MAGI2: variants seen among roughly 807,000 people sequenced by gnomAD.
MAGI2 encodes the protein membrane associated guanylate kinase, WW and PDZ domain containing 2.
In MAGI2, 35 loss-of-function variants were observed where a neutral mutation model predicts 133.3. The ratio of observed to expected loss-of-function variants is 0.26; its 90% CI spans 0.20 to 0.35. The LOEUF (loss-of-function observed/expected upper bound fraction) is 0.35. MAGI2 is among the 10% of genes least tolerant of loss of function. The pLI, the probability that MAGI2 is intolerant of heterozygous loss-of-function variation, is 1.00. For missense variants in MAGI2, 1,636 were observed against 1,863.4 expected (o/e 0.88, Z 2.25); for synonymous variants, 729 against 710.6 (o/e 1.03, Z -0.41).
intron 2 of MAGI2, among the ~76,000 whole-genome samples, chr7:79,006,510 G>C (rs543945732): frequency 9.9e-5 from 15 of 152,124 alleles, no homozygotes; most frequent in Non-Finnish European, 2.2e-4. Context: ...CTCCTTGGAA[G>C]GATAATCAGA....
At chr7:79,210,466 T>G (rs2129552618) in intron 1 of MAGI2, among the ~76,000 whole-genome samples, 1 of 152,162 alleles carries the variant, frequency 6.6e-6, no homozygotes, top group Middle Eastern at 3.4e-3. Context: ...CTTTAAAAAA[T>G]ATGTGTGATT....
chr7:79,247,394 C>T (rs1057345942), intron 1 of MAGI2, among the ~76,000 whole-genome samples: 3 of 152,008 alleles, frequency 2.0e-5, no homozygotes, highest in Admixed American at 6.6e-5. Context: ...TTAGGAGGAC[C>T]GCTTGAGCCT....
At chr7:78,755,300 T>C (rs1823838527) in intron 2 of MAGI2, among the ~76,000 whole-genome samples, 1 of 152,198 alleles carries the variant, frequency 6.6e-6, no homozygotes, top group Non-Finnish European at 1.5e-5. Flanking sequence ...CTATGGCAGC[T>C]TAGGAAAATC....
chr7:79,277,655 A>G (rs1208500634), intron 1 of MAGI2, among the ~76,000 whole-genome samples: 1 of 152,182 alleles, frequency 6.6e-6, no homozygotes, highest in Non-Finnish European at 1.5e-5. Context: ...GGCATTGACC[A>G]AGAATGCATT....
rs967734770 is a variant in MAGI2 at position 78,080,454 on chromosome 7, G to A, written c.3568-1369C>T. 2.6e-5 allele frequency among the ~76,000 whole-genome samples: 4 copies of A among 152,128 alleles called. No individual in the cohort carries two copies. In the South Asian group the frequency reaches 8.3e-4, roughly 32 times the overall value. The stretch of plus-strand genomic sequence containing the variant: ...ATTGTCTCCTTTCCTCTGAGGCAAC[G>A]GGCATAACTTGAATAGTTTGCCAGA... On this transcript the variant is annotated intron_variant, in intron 20 of 21. Coordinates refer to ENST00000354212, the MANE Select transcript of MAGI2 (RefSeq NM_012301.4).
chr7:78,108,471 T>C (rs1818917998), intron 20 of MAGI2, among the ~76,000 whole-genome samples: 1 of 152,214 alleles, frequency 6.6e-6, no homozygotes. Context: ...AAGTCTTCTG[T>C]AAATATCTGT....
At chr7:78,694,065 G>A (rs943755962) in intron 2 of MAGI2, among the ~76,000 whole-genome samples, 3 of 152,168 alleles carry the variant, frequency 2.0e-5, no homozygotes, top group East Asian at 1.9e-4. Flanking sequence ...TAGAAGCTGC[G>A]TGACCATTGA....
chr7:78,719,265 T>C (rs1820024609), intron 2 of MAGI2, among the ~76,000 whole-genome samples: 1 of 152,188 alleles, frequency 6.6e-6, no homozygotes, highest in African/African-American at 2.4e-5. Flanking sequence ...AATAAACAAT[T>C]GAAGTCTTAC....
At chr7:78,640,661 G>C (rs927865848) in intron 2 of MAGI2, among the ~76,000 whole-genome samples, 1 of 152,202 alleles carries the variant, frequency 6.6e-6, no homozygotes, top group Non-Finnish European at 1.5e-5. Flanking sequence ...AGCTGACTCA[G>C]CATCCTACCC....
At position 78,829,885 on chromosome 7, in the gene MAGI2, C is replaced by T. The variant is rs545762280; in HGVS notation, c.418+177205G>A. On this transcript the variant is annotated intron_variant, in intron 2 of 21. Coordinates refer to ENST00000354212, the MANE Select transcript of MAGI2 (RefSeq NM_012301.4). Reference sequence around the variant, plus strand: ...ACTGGGCTATGTCTCTAATGTTGTACGACTCAACTAAAGCTAAAAAATAAG... The same window carrying T: ...ACTGGGCTATGTCTCTAATGTTGTATGACTCAACTAAAGCTAAAAAATAAG... 2.2e-4 allele frequency among the ~76,000 whole-genome samples: 34 copies of T among 152,018 alleles called. No individual in the cohort carries two copies. The South Asian group carries it at 5.4e-3, about 24-fold the overall frequency.
intron 9 of MAGI2, among the ~76,000 whole-genome samples, chr7:78,283,736 A>G (rs1795860526): frequency 6.6e-6 from 1 of 152,244 alleles, no homozygotes; most frequent in Non-Finnish European, 1.5e-5. Context: ...TCAGTCATCT[A>G]TAGAATACAT....
intron 2 of MAGI2, among the ~76,000 whole-genome samples, chr7:78,864,810 T>C (rs1441822106): frequency 6.6e-6 from 1 of 152,214 alleles, no homozygotes; most frequent in Non-Finnish European, 1.5e-5. Context: ...TTTCCCTTAG[T>C]ACTTTTCAAA....
intron 13 of MAGI2, among the ~76,000 whole-genome samples, chr7:78,180,629 G>A (rs566915480): frequency 1.3e-5 from 2 of 152,090 alleles, no homozygotes; most frequent in South Asian, 2.1e-4. Context: ...TGACAATACC[G>A]ATCCTGTTGC....
chr7:78,424,313 G>C (rs967832239), intron 6 of MAGI2, among the ~76,000 whole-genome samples: 1 of 152,194 alleles, frequency 6.6e-6, no homozygotes, highest in Non-Finnish European at 1.5e-5. Context: ...GTCAAGAATT[G>C]AGGTTTGGGA....
At chr7:79,380,216 C>A (rs1843683051) in intron 1 of MAGI2, among the ~76,000 whole-genome samples, 1 of 151,882 alleles carries the variant, frequency 6.6e-6, no homozygotes. Context: ...AGGCAACCTA[C>A]AGAATGGGAG....
At chr7:78,240,154 C>T (rs1790986917) in intron 10 of MAGI2, among the ~76,000 whole-genome samples, 3 of 152,294 alleles carry the variant, frequency 2.0e-5, no homozygotes, top group Admixed American at 6.5e-5. Flanking sequence ...CCCTGATAGG[C>T]CCCAGTGTGT....
intron 20 of MAGI2, among the ~76,000 whole-genome samples, chr7:78,082,215 T>G (rs541125974): frequency 1.6e-4 from 24 of 152,328 alleles, no homozygotes; most frequent in African/African-American, 5.5e-4. Context: ...TTAGAAAATT[T>G]GAAGTTTTCA....
intron 6 of MAGI2, among the ~76,000 whole-genome samples, chr7:78,422,420 A>G (rs990624120): frequency 3.3e-5 from 5 of 152,214 alleles, no homozygotes; most frequent in East Asian, 3.8e-4. Flanking sequence ...TAGAAAATAT[A>G]TATTTCTACA....
intron 10 of MAGI2, among the ~76,000 whole-genome samples, chr7:78,234,781 G>T (rs916800724): frequency 6.6e-6 from 1 of 152,000 alleles, no homozygotes; most frequent in Non-Finnish European, 1.5e-5. Flanking sequence ...CAGGCTTCAC[G>T]GCAAGATTTT....
Sources: gnomAD v4.1 joint callset for allele counts (sites outside exome capture counted in the v4.1 genomes callset) on GRCh38, gnomAD v4.1.1 for gene constraint, MANE v1.5 for transcripts, NCBI Gene and HGNC (gene_info 2026-07-23, HGNC 2026-07-21) for gene names.